PLXDC2: variants seen among roughly 807,000 people sequenced by gnomAD.
PLXDC2 encodes the protein plexin domain containing 2.
PLXDC2 carries 40 observed loss-of-function variants against 68.9 expected under a neutral mutation model. The ratio of observed to expected loss-of-function variants is 0.58; its 90% CI spans 0.45 to 0.76. The LOEUF (loss-of-function observed/expected upper bound fraction) is 0.76. PLXDC2 is among the 30% of genes least tolerant of loss of function. PLXDC2 has a pLI of 0.00. For missense variants in PLXDC2, 644 were observed against 661.9 expected, an observed-to-expected ratio of 0.97 and a Z score of 0.30; for synonymous variants, 243 against 234.2, an observed-to-expected ratio of 1.04 and a Z score of -0.34.
At chr10:20,275,484 T>C (rs1227905579) in intron 13 of PLXDC2, among the ~76,000 whole-genome samples, 1 of 152,172 alleles carries the variant, frequency 6.6e-6, no homozygotes, top group Admixed American at 6.5e-5. Context: ...ATAAACTCCA[T>C]GAGGGCTCGG....
chr10:20,060,394 T>A (rs1836079305), intron 3 of PLXDC2, among the ~76,000 whole-genome samples: 1 of 151,192 alleles, frequency 6.6e-6, no homozygotes, highest in Non-Finnish European at 1.5e-5. Flanking sequence ...TTGAGAATTT[T>A]AAAAAAGAAA....
chr10:19,968,974 G>A (rs1319801957), intron 1 of PLXDC2, among the ~76,000 whole-genome samples: 2 of 152,212 alleles, frequency 1.3e-5, no homozygotes, highest in African/African-American at 4.8e-5. Flanking sequence ...GCCCTGGTCA[G>A]ACACAAATTA....
intron 9 of PLXDC2, among the ~76,000 whole-genome samples, chr10:20,183,674 G>A (rs7922693): frequency 0.24 from 36,134 of 151,874 alleles, 5,642 homozygotes; most frequent in Middle Eastern, 0.36. Flanking sequence ...ACCCAACACA[G>A]TGTCTGGACA....
chr10:20,073,940 G>A (rs560741693), intron 4 of PLXDC2, among the ~76,000 whole-genome samples: 14 of 152,196 alleles, frequency 9.2e-5, no homozygotes, highest in Admixed American at 5.9e-4. Flanking sequence ...ACCTGAGTCC[G>A]TCATGGGTAC....
intron 1 of PLXDC2, among the ~76,000 whole-genome samples, chr10:19,895,089 A>G (rs1420197463): frequency 1.3e-5 from 2 of 152,210 alleles, no homozygotes; most frequent in East Asian, 3.8e-4. Flanking sequence ...ATGGAATACT[A>G]TGCAGCCATA....
chr10:20,211,557 T>A lies in PLXDC2; in HGVS notation c.1062-112T>A, dbSNP rs867600724. ...TTCTATAGAAGAGTTAATGTTATGC[T>A]AAACTGAAAATGTGAGAATGAACTA... On this transcript the variant is annotated intron_variant, in intron 9 of 13. Coordinates refer to ENST00000377252, the MANE Select transcript of PLXDC2 (RefSeq NM_032812.9). The A allele has an allele frequency of 7.8e-6, 7 of 892,812 alleles. No homozygotes were observed. The Middle Eastern group carries it at 6.8e-4, about 87-fold the overall frequency. 55.3% of individuals were successfully genotyped at this position (892,812 alleles called of 1,614,324 possible). A position where few individuals can be genotyped will look rare whatever the true frequency, so the allele number is the denominator to read the frequency against.
At chr10:19,944,886 A>G (rs1378502602) in intron 1 of PLXDC2, among the ~76,000 whole-genome samples, 1 of 152,226 alleles carries the variant, frequency 6.6e-6, no homozygotes, top group Non-Finnish European at 1.5e-5. Context: ...CGGAAGGCGG[A>G]GGTTGCAGTG....
chr10:19,940,171 TG>T (rs751196325), intron 1 of PLXDC2, among the ~76,000 whole-genome samples: 58 of 150,090 alleles, frequency 3.9e-4, no homozygotes, highest in East Asian at 1.4e-3. Context: ...CGTGATTTAA[TG>T]TCATACTAAT....
At chr10:19,921,400 C>T (rs865885344) in intron 1 of PLXDC2, among the ~76,000 whole-genome samples, 6 of 152,076 alleles carry the variant, frequency 3.9e-5, no homozygotes, top group African/African-American at 1.4e-4. Context: ...CCCTGTTGGC[C>T]GTCTTCCTCG....
intron 1 of PLXDC2, among the ~76,000 whole-genome samples, chr10:19,992,201 C>T (rs553357019): frequency 6.6e-6 from 1 of 152,114 alleles, no homozygotes; most frequent in African/African-American, 2.4e-5. Flanking sequence ...AAAAACTAGA[C>T]ACTTAGCTAA....
intron 1 of PLXDC2, among the ~76,000 whole-genome samples, chr10:19,874,610 G>A (rs927740653): frequency 3.3e-5 from 5 of 152,208 alleles, no homozygotes; most frequent in Admixed American, 2.0e-4. Context: ...TTGAGAACAG[G>A]ATCATATTGC....
rs867745754 is a variant in PLXDC2 at position 20,287,980 on chromosome 10, G to C, written c.*8161G>C. On this transcript the variant is annotated 3_prime_UTR_variant, in exon 14 of 14. Transcript: ENST00000377252. Reference sequence around the variant, plus strand: ...GAAGAAATTGGGCACTTCTTGCGGCGGGGGAGGGGGGGGGGGCGGTGGCTT... The same window carrying C: ...GAAGAAATTGGGCACTTCTTGCGGCCGGGGAGGGGGGGGGGGCGGTGGCTT... The C allele has an allele frequency of 3.2e-4, 23 of 70,792 alleles. No homozygotes were observed. The South Asian group carries it at 3.7e-3, about 12-fold the overall frequency. 4.4% of individuals were successfully genotyped at this position (70,792 alleles called of 1,614,324 possible).
chr10:20,231,236 TA>T (rs1835360136), intron 12 of PLXDC2, among the ~76,000 whole-genome samples: 1 of 149,994 alleles, frequency 6.7e-6, no homozygotes, highest in African/African-American at 2.4e-5. Context: ...AAACTTCTAA[TA>T]TATATATAAA....
chr10:19,882,552 C>T (rs886434922), intron 1 of PLXDC2, among the ~76,000 whole-genome samples: 1 of 152,168 alleles, frequency 6.6e-6, no homozygotes, highest in African/African-American at 2.4e-5. Context: ...TCTTTTTCAG[C>T]CTTGCTGCCC....
chr10:19,943,405 A>G (rs1360811322), intron 1 of PLXDC2, among the ~76,000 whole-genome samples: 1 of 152,212 alleles, frequency 6.6e-6, no homozygotes, highest in Non-Finnish European at 1.5e-5. Context: ...AAGGAGTTTT[A>G]TGTCTTCACT....
chr10:20,259,679 T>C (rs1331725316), intron 13 of PLXDC2, among the ~76,000 whole-genome samples: 2 of 152,292 alleles, frequency 1.3e-5, no homozygotes, highest in Admixed American at 6.5e-5. Flanking sequence ...AGTAAGCCAA[T>C]ACTCATTGCC....
intron 1 of PLXDC2, among the ~76,000 whole-genome samples, chr10:19,847,561 G>C (rs932521038): frequency 4.6e-5 from 7 of 152,142 alleles, no homozygotes; most frequent in Non-Finnish European, 1.0e-4. Context: ...ACAAACTCTG[G>C]GGGTGGAGCC....
intron 1 of PLXDC2, among the ~76,000 whole-genome samples, chr10:19,829,140 G>A (rs1836632701): frequency 7.0e-6 from 1 of 142,480 alleles, no homozygotes. Flanking sequence ...CCTCTTTTTG[G>A]TGCACGCTTT....
intron 11 of PLXDC2, among the ~76,000 whole-genome samples, chr10:20,218,578 G>A (rs1272153867): frequency 7.9e-5 from 12 of 152,030 alleles, no homozygotes; most frequent in African/African-American, 2.9e-4. Flanking sequence ...GTCAGGATAA[G>A]ATCTCTTTAT....
Sources: gnomAD v4.1 joint callset for allele counts (sites outside exome capture counted in the v4.1 genomes callset) on GRCh38, gnomAD v4.1.1 for gene constraint, MANE v1.5 for transcripts, NCBI Gene and HGNC (gene_info 2026-07-23, HGNC 2026-07-21) for gene names.